Variants in FAM107A observed in about 807,000 individuals in gnomAD.
FAM107A encodes the protein actin-associated protein FAM107A.
FAM107A carries 19 observed loss-of-function variants against 13.7 expected under a neutral mutation model. The observed-to-expected ratio is 1.38, with a 90% CI of 0.97 to 2.03. The LOEUF is 2.03. Among genes scored for constraint, FAM107A ranks in the 30% most tolerant of loss-of-function variants. The probability of loss-of-function intolerance (pLI) is 0.00; values close to 1 mark genes in which losing one functional copy is unlikely to be tolerated. For missense variants in FAM107A, 203 were observed against 184.4 expected (o/e 1.10, Z -0.58); for synonymous variants, 82 against 74.5 (o/e 1.10, Z -0.52).
chr3:58,590,862 A>G (rs1042611445), upstream of FAM107A, among the ~76,000 whole-genome samples: 4 of 152,212 alleles, frequency 2.6e-5, no homozygotes, highest in Admixed American at 6.5e-5. Context: ...GTTCTCCACA[A>G]AGACTCCAGA....
intron 1 of FAM107A, among the ~76,000 whole-genome samples, chr3:58,582,862 G>A (rs921508131): frequency 6.6e-6 from 1 of 152,174 alleles, no homozygotes; most frequent in South Asian, 2.1e-4. Flanking sequence ...GCAGTGGCAC[G>A]ATTTCGGCTC....
At chr3:58,625,613 C>A (rs1297721661) in intron 1 of FAM107A, among the ~76,000 whole-genome samples, 1 of 152,196 alleles carries the variant, frequency 6.6e-6, no homozygotes, top group East Asian at 1.9e-4. Context: ...ATATTCATGA[C>A]CCCTCCCACA....
intron 1 of FAM107A, among the ~76,000 whole-genome samples, chr3:58,611,476 C>T (rs1442265770): frequency 6.6e-6 from 1 of 152,256 alleles, no homozygotes; most frequent in African/African-American, 2.4e-5. Flanking sequence ...CAGGCAGATA[C>T]TCTTGATGTT....
At chr3:58,611,403 G>A (rs895138926) in intron 1 of FAM107A, among the ~76,000 whole-genome samples, 6 of 152,226 alleles carry the variant, frequency 3.9e-5, no homozygotes, top group African/African-American at 1.2e-4. Flanking sequence ...TGTCACTGGT[G>A]TGGCTTCAGC....
rs1487806037 is a variant in FAM107A, at chr3:58,577,385, T to TA, written c.-83dup. 1.2e-4 allele frequency: 114 copies of TA among 985,416 alleles called. No homozygotes were observed. Among genetic ancestry groups the TA allele is most frequent in the Middle Eastern group, 1.0e-3 (2 of 1,914 alleles). The allele number at this position is 985,416 out of a possible 1,614,324, so 61.0% of individuals were successfully genotyped here. ...CTCACTCCACCGGGAAGTCCCAGAC[T>TA]AGCAAGGAGGGCTGCCTCTAGAGGG... On this transcript the variant is annotated 5_prime_UTR_variant, in exon 1 of 4. Coordinates refer to ENST00000360997, the MANE Select transcript of FAM107A (RefSeq NM_001076778.3). The surrounding 1 kb of genome is among the most constrained non-coding windows in gnomAD (Gnocchi z 4.9).
upstream of FAM107A, among the ~76,000 whole-genome samples, chr3:58,582,651 TG>T (rs1439558190): frequency 1.6e-4 from 24 of 152,342 alleles, 1 homozygote; most frequent in African/African-American, 4.1e-4. Context: ...TTCAACTCTC[TG>T]TTTCCTCCTC....
chr3:58,622,748 G>T (rs146443010), intron 1 of FAM107A, among the ~76,000 whole-genome samples: 1 of 152,318 alleles, frequency 6.6e-6, no homozygotes, highest in East Asian at 1.9e-4. Context: ...CCAGGGCCCA[G>T]TGGGGAGGCT....
chr3:58,592,692 G>C (rs1004380747), intron 1 of FAM107A, among the ~76,000 whole-genome samples: 1 of 152,118 alleles, frequency 6.6e-6, no homozygotes, highest in Admixed American at 6.5e-5. Flanking sequence ...AAGGTAGAAC[G>C]GACTAATGGT....
At chr3:58,575,095 A>G (rs569665047) in intron 1 of FAM107A, among the ~76,000 whole-genome samples, 3 of 152,266 alleles carry the variant, frequency 2.0e-5, no homozygotes, top group Non-Finnish European at 4.4e-5. Flanking sequence ...TTGCCTCTCC[A>G]CTGTTCTGGT....
chr3:58,600,847 C>T (rs539433626), intron 1 of FAM107A, among the ~76,000 whole-genome samples: 1 of 152,246 alleles, frequency 6.6e-6, no homozygotes, highest in East Asian at 1.9e-4. Context: ...TCCAGCCCAC[C>T]ACAAGGGACT....
chr3:58,585,927 C>T (rs1227039362), intron 1 of FAM107A, among the ~76,000 whole-genome samples: 1 of 152,190 alleles, frequency 6.6e-6, no homozygotes, highest in Non-Finnish European at 1.5e-5. Flanking sequence ...AAAAGAAACA[C>T]GTGCTTACTG....
chr3:58,610,274 T>C (rs2065840669), intron 1 of FAM107A, among the ~76,000 whole-genome samples: 3 of 152,072 alleles, frequency 2.0e-5, no homozygotes, highest in Admixed American at 6.5e-5. Context: ...GGCTCAGAGA[T>C]GGTAAGTAAC....
chr3:58,627,209 A>G, intron 1 of FAM107A: 1 of 566,842 alleles, frequency 1.8e-6, no homozygotes, highest in Non-Finnish European at 3.1e-6. Context: ...ATCCTGACAG[A>G]GGGGCCAGTG....
At chr3:58,625,189 C>T (rs1293271847) in intron 1 of FAM107A, among the ~76,000 whole-genome samples, 1 of 152,190 alleles carries the variant, frequency 6.6e-6, no homozygotes, top group Admixed American at 6.5e-5. Flanking sequence ...AAGGAGACCC[C>T]AGAGAAATCT....
At chr3:58,592,694 A>G (rs62257883) in intron 1 of FAM107A, among the ~76,000 whole-genome samples, 9,996 of 152,246 alleles carry the variant, frequency 0.066, 394 homozygotes, top group African/African-American at 0.1. Context: ...GGTAGAACGG[A>G]CTAATGGTCT....
chr3:58,614,007 A>G (rs956687168), intron 1 of FAM107A, among the ~76,000 whole-genome samples: 1 of 152,178 alleles, frequency 6.6e-6, no homozygotes, highest in African/African-American at 2.4e-5. Context: ...TCTCTCTAGT[A>G]TTCACCTGGC....
chr3:58,584,920 A>G (rs1011032337), intron 1 of FAM107A, among the ~76,000 whole-genome samples: 3 of 152,152 alleles, frequency 2.0e-5, no homozygotes, highest in Non-Finnish European at 4.4e-5. Context: ...CATTTTCAAT[A>G]CATCTTTGCT....
At chr3:58,586,897 C>A in exon 1 of FAM107A, 1 of 1,533,180 alleles carries the variant, frequency 6.5e-7, no homozygotes, top group East Asian at 2.5e-5. Context: ...CCGGTGGCAT[C>A]GGAGGGCCCC....
At chr3:58,580,094 C>A (rs2065513892), upstream of FAM107A, among the ~76,000 whole-genome samples, 1 of 152,148 alleles carries the variant, frequency 6.6e-6, no homozygotes, top group Non-Finnish European at 1.5e-5. Context: ...CTTTCCCAGG[C>A]CACACTCCAT....
Sources: gnomAD v4.1 joint callset for allele counts (sites outside exome capture counted in the v4.1 genomes callset) on GRCh38, gnomAD v4.1.1 for gene constraint, Gnocchi (gnomAD v3.1) non-coding constraint, MANE v1.5 for transcripts, NCBI Gene and HGNC (gene_info 2026-07-23, HGNC 2026-07-21) for gene names.